The following SNX13 variants were observed in gnomAD, a reference collection of about 807,000 sequenced individuals.
SNX13 encodes the protein sorting nexin 13.
A neutral mutation model predicts 133.6 loss-of-function variants in SNX13; 45 were observed. The ratio of observed to expected loss-of-function variants is 0.34; its 90% CI spans 0.27 to 0.43. The LOEUF (loss-of-function observed/expected upper bound fraction) is 0.43, where lower values mean the gene tolerates loss of function less well. SNX13 is among the 20% of genes least tolerant of loss of function. SNX13 has a pLI of 1.00. For synonymous variants in SNX13, 414 were observed against 373.9 expected (o/e 1.11, Z -1.24); for missense variants, 1,032 against 1,145.1 (o/e 0.90, Z 1.43).
At chr7:17,842,890 T>C (rs1345064863) in intron 12 of SNX13, among the ~76,000 whole-genome samples, 2 of 152,016 alleles carry the variant, frequency 1.3e-5, no homozygotes, top group Non-Finnish European at 2.9e-5. Context: ...AAATTTAGGA[T>C]GTTACATGTA....
intron 5 of SNX13, 105 bp from the exon 6 acceptor site, chr7:17,875,895 A>C (rs1794676786): frequency 1.1e-6 from 1 of 925,510 alleles, no homozygotes; most frequent in African/African-American, 1.7e-5. Context: ...CTGAGACTGT[A>C]AATTTAAATT....
chr7:17,867,454 A>G (rs1793530323), intron 9 of SNX13, among the ~76,000 whole-genome samples: 1 of 152,020 alleles, frequency 6.6e-6, no homozygotes, highest in East Asian at 1.9e-4. Flanking sequence ...CAAAAGTACA[A>G]AAAATTAGCG....
chr7:17,878,907 T>C (rs1014908223), intron 5 of SNX13, among the ~76,000 whole-genome samples: 3 of 152,098 alleles, frequency 2.0e-5, no homozygotes, highest in Non-Finnish European at 4.4e-5. Context: ...CTCTACCAAA[T>C]TTGCTTGGCA....
intron 8 of SNX13, among the ~76,000 whole-genome samples, chr7:17,869,221 G>A (rs1236360218): frequency 2.6e-5 from 4 of 151,962 alleles, no homozygotes; most frequent in Admixed American, 2.6e-4. Context: ...GTAATTATAA[G>A]TCTTATATTT....
intron 20 of SNX13, 115 bp downstream of exon 20, chr7:17,814,719 T>C (rs1786454307): frequency 1.2e-6 from 1 of 827,704 alleles, no homozygotes; most frequent in African/African-American, 1.9e-5. Context: ...GAGAACTTAA[T>C]AAAATTTTCT....
chr7:17,801,305 T>C (rs1446315421), intron 22 of SNX13, among the ~76,000 whole-genome samples: 3 of 151,648 alleles, frequency 2.0e-5, no homozygotes, highest in Non-Finnish European at 4.4e-5. Flanking sequence ...GTTTCATATA[T>C]ACAAAGTATA....
chr7:17,865,551 A>C (rs1311673313), intron 9 of SNX13, among the ~76,000 whole-genome samples: 1 of 152,210 alleles, frequency 6.6e-6, no homozygotes, highest in Non-Finnish European at 1.5e-5. Context: ...AAATGTCCAT[A>C]GTACAAAAAG....
At chr7:17,845,295 C>G (rs1790366001) in intron 12 of SNX13, among the ~76,000 whole-genome samples, 1 of 152,186 alleles carries the variant, frequency 6.6e-6, no homozygotes, top group Non-Finnish European at 1.5e-5. Context: ...AAATACTGTA[C>G]AATTCCACCT....
chr7:17,891,482 T>C (rs1796622025), intron 4 of SNX13, 64 bp downstream of exon 4: 1 of 1,161,228 alleles, frequency 8.6e-7, no homozygotes, highest in African/African-American at 1.5e-5. Context: ...TTTCCTGGTA[T>C]CTTCAAAAGA....
At chr7:17,822,730 C>T (rs921269911) in intron 17 of SNX13, among the ~76,000 whole-genome samples, 2 of 152,088 alleles carry the variant, frequency 1.3e-5, no homozygotes, top group East Asian at 1.9e-4. Flanking sequence ...GTTCTGAGTG[C>T]CCTGGGCTAG....
chr7:17,815,813 A>G (rs2128298347), intron 19 of SNX13, among the ~76,000 whole-genome samples: 1 of 152,304 alleles, frequency 6.6e-6, no homozygotes, highest in East Asian at 1.9e-4. Flanking sequence ...ATTTAGGATA[A>G]AAGATTTGGG....
At chr7:17,893,247 T>G (rs542286492) in intron 3 of SNX13, 85 bp downstream of exon 3, 6 of 841,860 alleles carry the variant, frequency 7.1e-6, no homozygotes, top group African/African-American at 7.1e-5. Context: ...TACGAAAATT[T>G]GTCACGCTAT....
At chr7:17,912,581 C>G (rs1583747871) in intron 1 of SNX13, among the ~76,000 whole-genome samples, 1 of 151,930 alleles carries the variant, frequency 6.6e-6, no homozygotes, top group Admixed American at 6.6e-5. Flanking sequence ...TGGCTAATTT[C>G]TGTATTTCTA....
intron 1 of SNX13, among the ~76,000 whole-genome samples, chr7:17,913,754 CAAA>C (rs1158895502): frequency 5.4e-4 from 47 of 87,266 alleles, no homozygotes; most frequent in African/African-American, 1.4e-3. Flanking sequence ...AGCAAATTAA[CAAA>C]AACAAAAAAA....
intron 5 of SNX13, chr7:17,881,701 C>T (rs1795373106): frequency 6.6e-6 from 1 of 152,090 alleles, no homozygotes; most frequent in Non-Finnish European, 1.5e-5. Context: ...CTAAGTCCCC[C>T]TCTTAATTCA....
chr7:17,939,649 C>T (rs1027177371), intron 1 of SNX13, among the ~76,000 whole-genome samples: 2 of 152,164 alleles, frequency 1.3e-5, no homozygotes, highest in South Asian at 2.1e-4. Context: ...AACAAGGGGG[C>T]CACACGCAAA....
At chr7:17,937,024 A>T (rs1428277044) in intron 1 of SNX13, among the ~76,000 whole-genome samples, 1 of 150,654 alleles carries the variant, frequency 6.6e-6, no homozygotes, top group Non-Finnish European at 1.5e-5. Context: ...ATAAAATAAA[A>T]AAAAAAAAAC....
At chr7:17,835,248 G>A (rs751597306) in intron 13 of SNX13, among the ~76,000 whole-genome samples, 2 of 151,860 alleles carry the variant, frequency 1.3e-5, no homozygotes, top group African/African-American at 4.8e-5. Flanking sequence ...AGGAAACACT[G>A]TCATTAGGAG....
Position 17,861,342 on chromosome 7 carries a change from T to TCTCACA in SNX13, c.837+7064_837+7065insTGTGAG, listed in dbSNP as rs1385021153. ...TACAGTTATCACACATACAGTTATC[T>TCTCACA]CACACACACACACACACACACACAC... On this transcript the variant is annotated intron_variant, in intron 9 of 25. Coordinates refer to ENST00000428135, the MANE Select transcript of SNX13 (RefSeq NM_015132.5). Among the ~76,000 whole-genome samples, 14 of 143,242 alleles carry TCTCACA rather than the reference T, an allele frequency of 9.8e-5. No individual in the cohort carries two copies. In the East Asian group the frequency reaches 2.7e-3, roughly 28 times the overall value. 94.0% of individuals were successfully genotyped at this position (143,242 alleles called of 152,430 possible). A position where few individuals can be genotyped will look rare whatever the true frequency, so the allele number is the denominator to read the frequency against.
Sources: gnomAD v4.1 joint callset for allele counts (sites outside exome capture counted in the v4.1 genomes callset) on GRCh38, gnomAD v4.1.1 for gene constraint, MANE v1.5 for transcripts, NCBI Gene and HGNC (gene_info 2026-07-23, HGNC 2026-07-21) for gene names.